CSMD3: variants seen among roughly 807,000 people sequenced by gnomAD.
CSMD3 encodes CUB and Sushi multiple domains 3.
A neutral mutation model predicts 435.2 loss-of-function variants in CSMD3; 177 were observed. The ratio of observed to expected loss-of-function variants is 0.41; its 90% CI spans 0.36 to 0.46. The LOEUF is 0.46. CSMD3 is among the 20% of genes least tolerant of loss of function. The pLI, the probability that CSMD3 is intolerant of heterozygous loss-of-function variation, is 0.34. For synonymous variants in CSMD3, 1,656 were observed against 1,520.5 expected, an observed-to-expected ratio of 1.09 and a Z score of -2.07; for missense variants, 4,265 against 4,504.6, an observed-to-expected ratio of 0.95 and a Z score of 1.52.
intron 3 of CSMD3, among the ~76,000 whole-genome samples, chr8:113,179,280 A>T (rs1434230964): frequency 2.0e-5 from 3 of 151,804 alleles, no homozygotes; most frequent in Admixed American, 6.6e-5. Flanking sequence ...TTAACTCAAT[A>T]AATTGCAGTT....
intron 22 of CSMD3, among the ~76,000 whole-genome samples, chr8:112,623,632 A>G (rs1834253551): frequency 2.1e-5 from 3 of 145,430 alleles, no homozygotes; most frequent in African/African-American, 7.7e-5. Flanking sequence ...GTCATCTAGC[A>G]TTAGGTATAT....
rs775554493 is a variant in CSMD3 at position 112,573,490 on chromosome 8, A to T, written c.4042+11T>A. 26 of 1,610,284 alleles carry T rather than the reference A, an allele frequency of 1.6e-5. No individual in the cohort carries two copies. The Admixed American group carries it at 4.3e-4, about 27-fold the overall frequency. On this transcript the variant is annotated intron_variant, in intron 24 of 70. Coordinates refer to ENST00000297405, the MANE Select transcript of CSMD3 (RefSeq NM_198123.2). The stretch of plus-strand genomic sequence containing the variant: ...CAGTGTTTGGCCATTTTACTCTTCT[A>T]AAATACTTACTGGTATACACAAGTT...
chr8:112,891,053 A>C (rs561325088), intron 10 of CSMD3, among the ~76,000 whole-genome samples: 1 of 151,800 alleles, frequency 6.6e-6, no homozygotes, highest in East Asian at 2.0e-4. Context: ...ATTCCATCAG[A>C]GAGCAGGATA....
chr8:113,398,856 A>G (rs2094495745), intron 1 of CSMD3, among the ~76,000 whole-genome samples: 1 of 151,852 alleles, frequency 6.6e-6, no homozygotes, highest in African/African-American at 2.4e-5. Flanking sequence ...GCATAAATTT[A>G]AGCTTGGAAG....
At chr8:112,506,021 T>A (rs1345366000) in intron 29 of CSMD3, among the ~76,000 whole-genome samples, 2 of 152,108 alleles carry the variant, frequency 1.3e-5, no homozygotes, top group Non-Finnish European at 2.9e-5. Context: ...TTTCCTCAAT[T>A]GAGAAAATGG....
intron 4 of CSMD3, among the ~76,000 whole-genome samples, chr8:113,152,029 G>T (rs2091818115): frequency 6.6e-6 from 1 of 151,924 alleles, no homozygotes; most frequent in South Asian, 2.1e-4. Flanking sequence ...TTTAGAGTAT[G>T]AGGCAATATA....
intron 6 of CSMD3, among the ~76,000 whole-genome samples, chr8:112,993,842 G>A (rs1056962681): frequency 2.0e-5 from 3 of 151,760 alleles, no homozygotes; most frequent in Non-Finnish European, 2.9e-5. Flanking sequence ...ATATTTCTGA[G>A]ACATAGGCAG....
At position 112,295,970 on chromosome 8, in the gene CSMD3, C is replaced by T. The variant is rs890967106; in HGVS notation, c.8477G>A (p.Gly2826Asp). Residue 2826 changes from glycine to aspartate, a missense_variant, in exon 54 of 71, where the codon GGT becomes GAT. By Grantham distance (94) the Gly-to-Asp change is moderately conservative (BLOSUM62 -1). Coordinates refer to ENST00000297405, the MANE Select transcript of CSMD3 (RefSeq NM_198123.2). ...TCCATAATTTTCTCCAATGACTTGACCATTCACAATCAGTTCTGGAATTCC... is the reference window on the plus strand; with the variant it reads ...TCCATAATTTTCTCCAATGACTTGATCATTCACAATCAGTTCTGGAATTCC... ...HCGIPELIVN[G>D]QVIGENYGYR... The T allele has an allele frequency of 6.2e-7, 1 of 1,613,266 alleles. No homozygotes were observed. The highest frequency in any genetic ancestry group is 1.3e-5 in the African/African-American group (1 of 74,868).
intron 50 of CSMD3, 132 bp downstream of exon 50, chr8:112,310,846 T>A (rs1046668406): frequency 4.4e-5 from 34 of 769,314 alleles, no homozygotes; most frequent in Non-Finnish European, 6.6e-5. Flanking sequence ...TATGCCTTGT[T>A]TTTATGAAAA....
rs1282811846 is a variant in CSMD3, at chr8:112,223,611, T to A, written c.*1160A>T. 1 of 152,232 alleles carries A rather than the reference T, an allele frequency of 6.6e-6. No homozygotes were observed. Among genetic ancestry groups the A allele is most frequent in the Non-Finnish European group, 1.5e-5 (1 of 68,020 alleles). The allele number at this position is 152,232 out of a possible 1,614,324, so 9.4% of individuals were successfully genotyped here. A position where few individuals can be genotyped will look rare whatever the true frequency, so the allele number is the denominator to read the frequency against. ...TGTTTAACAATAAAGGTACAGAAAT[T>A]TAAAAATATATAAAAATATGATAAG... is the stretch of plus-strand genomic sequence containing the variant. On this transcript the variant is annotated 3_prime_UTR_variant, in exon 71 of 71. Transcript: ENST00000297405.
chr8:113,367,531 C>T (rs1391568254), intron 1 of CSMD3, among the ~76,000 whole-genome samples: 1 of 151,992 alleles, frequency 6.6e-6, no homozygotes, highest in African/African-American at 2.4e-5. Context: ...ATTCAGAAGC[C>T]GTCTTACTGA....
At chr8:113,379,228 T>G (rs1330921583) in intron 1 of CSMD3, among the ~76,000 whole-genome samples, 3 of 152,288 alleles carry the variant, frequency 2.0e-5, no homozygotes, top group African/African-American at 7.2e-5. Flanking sequence ...TATTGTCTTT[T>G]GCATGGAATT....
intron 16 of CSMD3, among the ~76,000 whole-genome samples, chr8:112,675,382 A>T (rs965585153): frequency 4.6e-5 from 7 of 152,274 alleles, no homozygotes; most frequent in African/African-American, 1.4e-4. Context: ...TCTATAAAGC[A>T]GACCCATGAA....
intron 3 of CSMD3, among the ~76,000 whole-genome samples, chr8:113,193,742 A>T (rs1163246111): frequency 6.6e-6 from 1 of 151,470 alleles, no homozygotes; most frequent in Non-Finnish European, 1.5e-5. Flanking sequence ...TGGACATCAC[A>T]TTAAGTATAC....
chr8:112,728,085 G>A (rs1563901123), intron 13 of CSMD3, among the ~76,000 whole-genome samples: 1 of 151,618 alleles, frequency 6.6e-6, no homozygotes, highest in African/African-American at 2.4e-5. Flanking sequence ...TAGTTAATTA[G>A]GGGTAGTCAT....
intron 3 of CSMD3, among the ~76,000 whole-genome samples, chr8:113,238,126 G>A (rs2093171043): frequency 6.6e-6 from 1 of 151,120 alleles, no homozygotes; most frequent in South Asian, 2.1e-4. Context: ...GATGAGAATG[G>A]CTCTGAATTA....
At chr8:113,109,241 T>G (rs1489446630) in intron 4 of CSMD3, among the ~76,000 whole-genome samples, 3 of 152,238 alleles carry the variant, frequency 2.0e-5, no homozygotes, top group Non-Finnish European at 4.4e-5. Flanking sequence ...CTTTCTCTCA[T>G]TCAAAATACA....
At chr8:112,507,356 T>C (rs372125849) in intron 28 of CSMD3, among the ~76,000 whole-genome samples, 13 of 152,174 alleles carry the variant, frequency 8.5e-5, no homozygotes, top group African/African-American at 2.7e-4. Flanking sequence ...ACTCAGAGAA[T>C]AGATTCTTTA....
intron 27 of CSMD3, among the ~76,000 whole-genome samples, chr8:112,526,070 G>C (rs1021523104): frequency 6.6e-6 from 1 of 150,456 alleles, no homozygotes; most frequent in Non-Finnish European, 1.5e-5. Flanking sequence ...TTCAATAATT[G>C]CTTTCAATTA....
Sources: gnomAD v4.1 joint callset for allele counts (sites outside exome capture counted in the v4.1 genomes callset) on GRCh38, gnomAD v4.1.1 for gene constraint, MANE v1.5 for transcripts, NCBI Gene and HGNC (gene_info 2026-07-23, HGNC 2026-07-21) for gene names.